Variants in NRP2 observed in about 807,000 individuals in gnomAD.
NRP2 encodes the protein neuropilin-2.
A neutral mutation model predicts 110.4 loss-of-function variants in NRP2; 52 were observed. The ratio of observed to expected loss-of-function variants is 0.47; its 90% CI spans 0.38 to 0.59. The LOEUF is 0.59. Among genes scored for constraint, NRP2 ranks in the 20% least tolerant of loss-of-function variants. NRP2 has a pLI of 0.00. For synonymous variants in NRP2, 508 were observed against 468.9 expected (o/e 1.08, Z -1.08); for missense variants, 1,049 against 1,203.0 (o/e 0.87, Z 1.89).
chr2:205,739,021 C>T (rs2057394193), intron 7 of NRP2, among the ~76,000 whole-genome samples: 1 of 152,154 alleles, frequency 6.6e-6, no homozygotes, highest in Admixed American at 6.5e-5. Flanking sequence ...GTTCACAGTT[C>T]ATGGGGAAGA....
intron 1 of NRP2, among the ~76,000 whole-genome samples, chr2:205,687,194 T>C (rs1255378530): frequency 6.6e-6 from 1 of 151,836 alleles, no homozygotes; most frequent in African/African-American, 2.4e-5. Flanking sequence ...AGATAAGAGG[T>C]GTAAATTGGC....
chr2:205,744,825 C>G (rs2057508047), intron 9 of NRP2, among the ~76,000 whole-genome samples: 1 of 152,232 alleles, frequency 6.6e-6, no homozygotes, highest in Non-Finnish European at 1.5e-5. Flanking sequence ...GGCTTGGTAA[C>G]TGGAACCTTG....
At chr2:205,731,144 A>G (rs894335314) in intron 7 of NRP2, among the ~76,000 whole-genome samples, 1 of 152,190 alleles carries the variant, frequency 6.6e-6, no homozygotes, top group African/African-American at 2.4e-5. Flanking sequence ...GGCCCGCCTT[A>G]TGTATATTTA....
Position 205,726,091 on chromosome 2 carries a change from G to A in NRP2, c.990+9G>A, listed in dbSNP as rs1239033427. On this transcript the variant is annotated intron_variant, in intron 6 of 16. Coordinates refer to ENST00000357785, the MANE Select transcript of NRP2 (RefSeq NM_003872.3). ...ACAAGGAGTATCTCCAGGTACTTGT[G>A]CAGATACCAGAGGATGTGAGAGTGT... is the stretch of plus-strand genomic sequence containing the variant. 2 of 1,614,110 alleles carry A rather than the reference G, an allele frequency of 1.2e-6. No homozygotes were observed. Among genetic ancestry groups the A allele is most frequent in the Non-Finnish European group, 1.7e-6 (2 of 1,179,956 alleles).
At chr2:205,767,383 G>A (rs771605194) in intron 15 of NRP2, 7 of 514,492 alleles carry the variant, frequency 1.4e-5, no homozygotes, top group South Asian at 1.0e-4. Flanking sequence ...CACAGAAGTG[G>A]TGGCCTCAGG....
chr2:205,721,967 C>T (rs1031615536), intron 3 of NRP2, among the ~76,000 whole-genome samples: 5 of 152,130 alleles, frequency 3.3e-5, no homozygotes, highest in East Asian at 1.9e-4. Context: ...GAAGGGGGCA[C>T]TTCGTTGGCT....
chr2:205,717,524 G>A (rs566192128), intron 3 of NRP2, among the ~76,000 whole-genome samples: 12 of 152,346 alleles, frequency 7.9e-5, no homozygotes, highest in East Asian at 3.9e-4. Flanking sequence ...GAACAAGAAC[G>A]TGGAATCAAA....
intron 2 of NRP2, among the ~76,000 whole-genome samples, chr2:205,711,306 T>A (rs1267173843): frequency 6.6e-6 from 1 of 152,224 alleles, no homozygotes; most frequent in Non-Finnish European, 1.5e-5. Context: ...TATTGTCTGG[T>A]GCAGGAGACA....
At chr2:205,741,688 G>A (rs2057444745) in intron 8 of NRP2, among the ~76,000 whole-genome samples, 1 of 152,300 alleles carries the variant, frequency 6.6e-6, no homozygotes, top group South Asian at 2.1e-4. Flanking sequence ...ATCCATCCAC[G>A]TGCCTTTCCC....
intron 2 of NRP2, among the ~76,000 whole-genome samples, chr2:205,714,972 A>G (rs2056866121): frequency 6.6e-6 from 1 of 152,190 alleles, no homozygotes; most frequent in Non-Finnish European, 1.5e-5. Flanking sequence ...AGAAGGGTGC[A>G]TTCCCAGCCC....
At chr2:205,722,765 T>A in intron 4 of NRP2, 57 bp downstream of exon 4, 2 of 1,402,248 alleles carry the variant, frequency 1.4e-6, no homozygotes, top group Non-Finnish European at 2.0e-6. Context: ...TTAATTGCTT[T>A]AGTGATGATA....
chr2:205,740,388 A>G (rs1342416920), intron 7 of NRP2, 131 bp from the exon 8 acceptor site: 14 of 895,650 alleles, frequency 1.6e-5, no homozygotes, highest in South Asian at 1.4e-5. Flanking sequence ...AAAACAACAT[A>G]CCCACTGATT....
At chr2:205,729,798 A>G (rs2057201230) in intron 7 of NRP2, among the ~76,000 whole-genome samples, 1 of 152,214 alleles carries the variant, frequency 6.6e-6, no homozygotes, top group Non-Finnish European at 1.5e-5. Context: ...CAGGAAAGAT[A>G]TTCCTGAAAT....
In NRP2 at chr2:205,734,812, C is replaced by G. The variant is rs528641909; in HGVS notation, c.1147-5707C>G. On this transcript the variant is annotated intron_variant, in intron 7 of 16. Transcript: ENST00000357785. ...ATTTTAAAAAAGAAGAGGAACATCT[C>G]GTGCACAATGTCTACCCCAGGGCTC... is the stretch of plus-strand genomic sequence containing the variant. Among the ~76,000 whole-genome samples the G allele has an allele frequency of 9.2e-5, 14 of 152,310 alleles. No individual in the cohort carries two copies. The East Asian group carries it at 1.9e-3, about 21-fold the overall frequency.
In NRP2 at chr2:205,686,972, C is replaced by T. The variant is rs778769849; in HGVS notation, c.73+3609C>T. Among the ~76,000 whole-genome samples the T allele has an allele frequency of 1.3e-5, 2 of 152,182 alleles. No individual in the cohort carries two copies. Among genetic ancestry groups the T allele is most frequent in the Non-Finnish European group, 2.9e-5 (2 of 68,034 alleles). On this transcript the variant is annotated intron_variant, in intron 1 of 16. Coordinates refer to ENST00000357785, the MANE Select transcript of NRP2 (RefSeq NM_003872.3). The surrounding 1 kb of genome is among the most constrained non-coding windows in gnomAD (Gnocchi z 4.7). ...GCTCAGAAAATCATTCAAGTCCTGA[C>T]AATGGGTTTCTTCAAATGGTGGCAA...
At chr2:205,787,718 C>CTGTGTGTGTGTG (rs60558986) in intron 15 of NRP2, among the ~76,000 whole-genome samples, 21 of 144,186 alleles carry the variant, frequency 1.5e-4, no homozygotes, top group African/African-American at 5.4e-4. Context: ...AAAAAAGTGT[C>CTGTGTGTGTGTG]TGTGTGTGTG....
chr2:205,755,792 C>T (rs1048834561), intron 12 of NRP2, among the ~76,000 whole-genome samples: 1 of 152,030 alleles, frequency 6.6e-6, no homozygotes, highest in Non-Finnish European at 1.5e-5. Context: ...TCTTCACGAG[C>T]GTGTGCCATA....
At chr2:205,791,687 A>AGATATGT (rs1260202418) in intron 15 of NRP2, among the ~76,000 whole-genome samples, 3 of 152,250 alleles carry the variant, frequency 2.0e-5, no homozygotes, top group Non-Finnish European at 4.4e-5. Flanking sequence ...ATATTAGCAC[A>AGATATGT]GATATGTGAA....
rs558962075 is a variant in NRP2, at chr2:205,708,019, T to A, written c.252-8174T>A. 1.3e-4 allele frequency among the ~76,000 whole-genome samples: 20 copies of A among 152,302 alleles called. 1 individual carries two copies. Among genetic ancestry groups the A allele is most frequent in the African/African-American group, 4.6e-4 (19 of 41,560 alleles). On this transcript the variant is annotated intron_variant, in intron 2 of 16. Transcript: ENST00000357785. ...GGCCAGCGTAGGAAAATTTAGTAAG[T>A]CCTGGCCCTGCTGGGATTCACCTTT...
Sources: gnomAD v4.1 joint callset for allele counts (sites outside exome capture counted in the v4.1 genomes callset) on GRCh38, gnomAD v4.1.1 for gene constraint, Gnocchi (gnomAD v3.1) non-coding constraint, MANE v1.5 for transcripts, NCBI Gene and HGNC (gene_info 2026-07-23, HGNC 2026-07-21) for gene names.